THUMPD1: variants seen among roughly 807,000 people sequenced by gnomAD.
The protein encoded by THUMPD1 is THUMP domain 1 NAT10 acetyltransferase adaptor, also known as THUMP domain-containing protein 1.
In THUMPD1, 31 loss-of-function variants were observed where a neutral mutation model predicts 31.6. The observed-to-expected ratio is 0.98, with a 90% CI of 0.74 to 1.32. The LOEUF is 1.32. THUMPD1 is among the 40% of genes most tolerant of loss of function. THUMPD1 has a pLI of 0.00. For synonymous variants in THUMPD1, 166 were observed against 158.2 expected, an observed-to-expected ratio of 1.05 and a Z score of -0.37; for missense variants, 446 against 427.8, an observed-to-expected ratio of 1.04 and a Z score of -0.38.
Position 20,736,364 on chromosome 16 carries a change from T to C in THUMPD1, c.*516A>G, listed in dbSNP as rs1035475381. 3 of 139,172 alleles carry C rather than the reference T, an allele frequency of 2.2e-5. No individual in the cohort carries two copies. The highest frequency in any genetic ancestry group is 8.1e-5 in the African/African-American group (3 of 37,248). The allele number at this position is 139,172 out of a possible 1,614,324, so 8.6% of individuals were successfully genotyped here. A position where few individuals can be genotyped will look rare whatever the true frequency, so the allele number is the denominator to read the frequency against. On this transcript the variant is annotated 3_prime_UTR_variant, in exon 4 of 4. Transcript: ENST00000396083. ...TTGCGACACTGGACTGTCAGCTATA[T>C]TACACACAAATGTTAAAAAAAAAAA...
chr16:20,739,740 G>A (rs2079901327), intron 1 of THUMPD1, among the ~76,000 whole-genome samples: 1 of 151,432 alleles, frequency 6.6e-6, no homozygotes, highest in African/African-American at 2.4e-5. Context: ...AGAATCGCTT[G>A]AACCCAGAAG....
At position 20,734,764 on chromosome 16, in the gene THUMPD1, G is replaced by A. The variant is rs2152413461; in HGVS notation, c.*2116C>T. The A allele has an allele frequency of 6.6e-6, 1 of 152,270 alleles. No individual in the cohort carries two copies. Among genetic ancestry groups the A allele is most frequent in the Non-Finnish European group, 1.5e-5 (1 of 68,010 alleles). 9.4% of individuals were successfully genotyped at this position (152,270 alleles called of 1,614,324 possible). On this transcript the variant is annotated 3_prime_UTR_variant, in exon 4 of 4. Transcript: ENST00000396083. ...TTCAGGAAACCCCTAAACCCCTGCA[G>A]AGAACCCTCATGGTATGTGAGTGTG...
At position 20,737,120 on chromosome 16, in the gene THUMPD1, C is replaced by T. The variant is rs150028626; in HGVS notation, c.822G>A (p.Pro274=). 3.8e-5 allele frequency: 61 copies of T among 1,614,078 alleles called. No individual in the cohort carries two copies. The highest frequency in any genetic ancestry group is 4.7e-5 in the Non-Finnish European group (55 of 1,180,032). The part of the protein sequence containing the change: ...LQEVVKSPKD[P]SQLNSKQGNG... ...TTCCCTGCTTTGAGTTAAGCTGTGA[C>T]GGATCCTTAGGGCTCTTCACCACCT... is the stretch of plus-strand genomic sequence containing the variant. The change falls in exon 4 of 4, where the codon CCG becomes CCA. Residue 274 remains proline (P), a synonymous_variant. Coordinates refer to ENST00000396083, the MANE Select transcript of THUMPD1 (RefSeq NM_017736.5).
At chr16:20,740,766 A>G (rs903566700) in intron 1 of THUMPD1, among the ~76,000 whole-genome samples, 1 of 152,330 alleles carries the variant, frequency 6.6e-6, no homozygotes, top group South Asian at 2.1e-4. Context: ...TCCAAACACT[A>G]AGACTTTAGG....
chr16:20,739,110 G>A (rs1353005638), intron 1 of THUMPD1, 39 bp from the exon 2 acceptor site: 3 of 1,601,974 alleles, frequency 1.9e-6, no homozygotes, highest in African/African-American at 1.3e-5. Context: ...TGACACAACA[G>A]CTCACATTTA....
Position 20,734,781 on chromosome 16 carries a change from G to A in THUMPD1, c.*2099C>T, listed in dbSNP as rs1024909841. On this transcript the variant is annotated 3_prime_UTR_variant, in exon 4 of 4. Transcript: ENST00000396083. ...CCCCTGCAGAGAACCCTCATGGTAT[G>A]TGAGTGTGAGCACTAAGTTGAAGAA... 6 of 152,184 alleles carry A rather than the reference G, an allele frequency of 3.9e-5. No individual in the cohort carries two copies. The highest frequency in any genetic ancestry group is 1.2e-4 in the African/African-American group (5 of 41,436). The allele number at this position is 152,184 out of a possible 1,614,324, so 9.4% of individuals were successfully genotyped here.
intron 1 of THUMPD1, 105 bp from the exon 2 acceptor site, chr16:20,739,176 A>T: frequency 2.5e-6 from 2 of 793,640 alleles, no homozygotes; most frequent in Non-Finnish European, 3.7e-6. Flanking sequence ...CTCAGTATTG[A>T]TTTTTTTTTT....
Position 20,737,802 on chromosome 16 carries a change from C to T in THUMPD1, c.561G>A (p.Trp187Ter), listed in dbSNP as rs1195978659. 1.2e-6 allele frequency: 2 copies of T among 1,613,812 alleles called. No individual in the cohort carries two copies. The highest frequency in any genetic ancestry group is 2.2e-5 in the South Asian group (2 of 91,072). The change falls in exon 3 of 4, where the codon TGG (tryptophan) becomes TGA (stop). Residue 187 changes from tryptophan (W) to a stop codon, truncating the protein, a stop_gained. Coordinates refer to ENST00000396083, the MANE Select transcript of THUMPD1 (RefSeq NM_017736.5). LOFTEE classifies it high-confidence loss of function. ...ATGTCCCTTTGTTTGGAGCTTTAAA[C>T]CAGGGTTCCAAAAATGTTTCTGCAT... Reference protein sequence around the residue: ...KKYAETFLEPWFKAPNKGTFQ... With the variant: ...KKYAETFLEP
rs1008228788 is a variant in THUMPD1, at chr16:20,735,461, A to G, written c.*1419T>C. The G allele has an allele frequency of 7.3e-5, 11 of 150,942 alleles. No individual in the cohort carries two copies. The highest frequency in any genetic ancestry group is 1.3e-4 in the Admixed American group (2 of 15,152). 9.4% of individuals were successfully genotyped at this position (150,942 alleles called of 1,614,324 possible). On this transcript the variant is annotated 3_prime_UTR_variant, in exon 4 of 4. Transcript: ENST00000396083. ...GTAACATTATTCAGAACTTCACTGTATCTTCAAGTTTTTGATATCAGCATC... is the reference window on the plus strand; with the variant it reads ...GTAACATTATTCAGAACTTCACTGTGTCTTCAAGTTTTTGATATCAGCATC...
chr16:20,737,151 A>G lies in THUMPD1; in HGVS notation c.791T>C (p.Leu264Pro). The change falls in exon 4 of 4, where the codon CTC (leucine) becomes CCC (proline). Residue 264 changes from leucine (L) to proline (P), a missense_variant. Physicochemically the swap from Leu to Pro is moderately conservative, Grantham distance 98. Coordinates refer to ENST00000396083, the MANE Select transcript of THUMPD1 (RefSeq NM_017736.5). ...KDYMLFRKYNLQEVVKSPKDP... is the reference protein window; with the variant it reads ...KDYMLFRKYNPQEVVKSPKDP... The stretch of plus-strand genomic sequence containing the variant: ...CTTAGGGCTCTTCACCACCTCCTGG[A>G]GATTGTATTTTCTAAACAACATGTA... The G allele has an allele frequency of 6.2e-7, 1 of 1,614,150 alleles. No individual in the cohort carries two copies. The highest frequency in any genetic ancestry group is 2.2e-5 in the East Asian group (1 of 44,878).
In THUMPD1 at chr16:20,737,952, A is replaced by C; in HGVS notation, c.411T>G (p.Pro137=). The C allele has an allele frequency of 1.3e-6, 2 of 1,576,140 alleles. No homozygotes were observed. The highest frequency in any genetic ancestry group is 1.7e-6 in the Non-Finnish European group (2 of 1,165,932). The change falls in exon 3 of 4, where the codon CCT becomes CCG. Residue 137 remains proline (P), a synonymous_variant. Coordinates refer to ENST00000396083, the MANE Select transcript of THUMPD1 (RefSeq NM_017736.5). The part of the protein sequence containing the change: ...VVFIRTLGIE[P]EKLVHHILQD... ...GGAGAATATGATGCACCAATTTCTC[A>C]GGCTCTTAAGAAAAAAAAAAAGTTA...
Position 20,737,947 on chromosome 16 carries a change from T to G in THUMPD1, c.416A>C (p.Lys139Thr). The G allele has an allele frequency of 6.3e-7, 1 of 1,590,332 alleles. No homozygotes were observed. Among genetic ancestry groups the G allele is most frequent in the Non-Finnish European group, 8.5e-7 (1 of 1,171,504 alleles). The part of the protein sequence containing the change: ...FIRTLGIEPE[K>T]LVHHILQDMY... Reference sequence around the variant, plus strand: ...ATCCTGGAGAATATGATGCACCAATTTCTCAGGCTCTTAAGAAAAAAAAAA... The same window carrying G: ...ATCCTGGAGAATATGATGCACCAATGTCTCAGGCTCTTAAGAAAAAAAAAA... Residue 139 changes from lysine to threonine, a missense_variant, in exon 3 of 4, where the codon AAA (lysine) becomes ACA (threonine). Lys to Thr is a moderately conservative substitution (Grantham distance 78, BLOSUM62 -1). Transcript: ENST00000396083.
chr16:20,737,670 C>T, intron 3 of THUMPD1, 38 bp downstream of exon 3: 1 of 1,560,280 alleles, frequency 6.4e-7, no homozygotes, highest in South Asian at 1.2e-5. Context: ...AAGTATTTAC[C>T]ATTGAATGCC....
chr16:20,735,311 A>T lies in THUMPD1; in HGVS notation c.*1569T>A, dbSNP rs2079859312. The T allele has an allele frequency of 6.6e-6, 1 of 151,954 alleles. No individual in the cohort carries two copies. The highest frequency in any genetic ancestry group is 2.4e-5 in the African/African-American group (1 of 41,376). The allele number at this position is 151,954 out of a possible 1,614,324, so 9.4% of individuals were successfully genotyped here. On this transcript the variant is annotated 3_prime_UTR_variant, in exon 4 of 4. Transcript: ENST00000396083. ...CCTGTAGAGAACGCTTCCTCTGAGA[A>T]GCCACTGGATGTCTGTATGGTGCAG...
At position 20,737,299 on chromosome 16, in the gene THUMPD1, C is replaced by T. The variant is rs774711844; in HGVS notation, c.656-13G>A. 2 of 1,592,658 alleles carry T rather than the reference C, an allele frequency of 1.3e-6. No individual in the cohort carries two copies. The highest frequency in any genetic ancestry group is 1.7e-6 in the Non-Finnish European group (2 of 1,169,538). On this transcript the variant is annotated splice_polypyrimidine_tract_variant and intron_variant, in intron 3 of 3. Transcript: ENST00000396083. ...GTGCACACTATTCCTGTAACAAAAA[C>T]AGAAAAACACATAGCTGAGGAGGAT...
At position 20,737,887 on chromosome 16, in the gene THUMPD1, A is replaced by G; in HGVS notation, c.476T>C (p.Ile159Thr). 1.2e-6 allele frequency: 2 copies of G among 1,613,902 alleles called. No homozygotes were observed. The highest frequency in any genetic ancestry group is 1.7e-6 in the Non-Finnish European group (2 of 1,179,914). ...GCCTGAGATGGGTAACATTCGCAAAATAACTCGAGTCTTCTTTTTCTTGGT... is the reference window on the plus strand; with the variant it reads ...GCCTGAGATGGGTAACATTCGCAAAGTAACTCGAGTCTTCTTTTTCTTGGT... ...YKTKKKKTRV[I>T]LRMLPISGTC... The change falls in exon 3 of 4, where the codon ATT becomes ACT. Residue 159 changes from isoleucine (I) to threonine (T), a missense_variant. Transcript: ENST00000396083.
intron 3 of THUMPD1, 24 bp downstream of exon 3, chr16:20,737,684 G>A: frequency 6.3e-7 from 1 of 1,583,518 alleles, no homozygotes. Context: ...GAATGCCTAT[G>A]GAAAATCACT....
Position 20,737,853 on chromosome 16 carries a change from C to T in THUMPD1, c.510G>A (p.Lys170=). The T allele has an allele frequency of 6.2e-7, 1 of 1,613,832 alleles. No individual in the cohort carries two copies. Among genetic ancestry groups the T allele is most frequent in the South Asian group, 1.1e-5 (1 of 91,078 alleles). Residue 170 remains lysine (K), a synonymous_variant, in exon 3 of 4, where the codon AAG becomes AAA. Transcript: ENST00000396083. The part of the protein sequence containing the change: ...LRMLPISGTC[K]AFLEDMKKYA... ...ATTTTTTCATATCTTCTAAAAAAGC[C>T]TTGCATGTGCCTGAGATGGGTAACA...
intron 1 of THUMPD1, 27 bp downstream of exon 1, chr16:20,741,482 C>CGG: frequency 1.2e-5 from 2 of 160,352 alleles, no homozygotes; most frequent in Non-Finnish European, 2.6e-5. Flanking sequence ...TGGCAGCCGG[C>CGG]CCGCCCGCCC....
Sources: gnomAD v4.1 joint callset for allele counts (sites outside exome capture counted in the v4.1 genomes callset) on GRCh38, gnomAD v4.1.1 for gene constraint, MANE v1.5 for transcripts, NCBI Gene and HGNC (gene_info 2026-07-23, HGNC 2026-07-21) for gene names.